ABHD2: variants seen among roughly 807,000 people sequenced by gnomAD.
The protein encoded by ABHD2 is abhydrolase domain containing 2, acylglycerol lipase.
Under a neutral mutation model 48.1 loss-of-function variants are expected in ABHD2, and 20 were observed. That is an observed-to-expected ratio of 0.42 (90% CI 0.29 to 0.60). ABHD2 has a LOEUF of 0.60. Ranked by LOEUF, ABHD2 falls within the 20% of genes least tolerant of loss-of-function variation. The pLI, the probability that ABHD2 is intolerant of heterozygous loss-of-function variation, is 0.24. For synonymous variants in ABHD2, 209 were observed against 214.2 expected (o/e 0.98, Z 0.21); for missense variants, 405 against 550.9 (o/e 0.74, Z 2.65).
At position 89,201,183 on chromosome 15, in the gene ABHD2, C is replaced by G. The variant is rs891487906; in HGVS notation, c.*5760C>G. On this transcript the variant is annotated 3_prime_UTR_variant, in exon 11 of 11. Coordinates refer to ENST00000352732, the MANE Select transcript of ABHD2 (RefSeq NM_152924.5). The stretch of plus-strand genomic sequence containing the variant: ...CTGAAGGATGCAGTTGAGGTTGATC[C>G]AGGTTTATCCGAATATGCTACCTTT... The G allele has an allele frequency of 1.4e-6, 2 of 1,475,052 alleles. No individual in the cohort carries two copies. Among genetic ancestry groups the G allele is most frequent in the Non-Finnish European group, 1.9e-6 (2 of 1,056,106 alleles). 91.4% of individuals were successfully genotyped at this position (1,475,052 alleles called of 1,614,324 possible).
intron 5 of ABHD2, among the ~76,000 whole-genome samples, chr15:89,171,155 A>G (rs1354574462): frequency 2.0e-5 from 3 of 152,152 alleles, no homozygotes; most frequent in African/African-American, 4.8e-5. Flanking sequence ...TTTTCTGTCA[A>G]CTAGGACAAT....
At position 89,192,632 on chromosome 15, in the gene ABHD2, C is replaced by T. The variant is rs148323506; in HGVS notation, c.997-603C>T. Among the ~76,000 whole-genome samples the T allele has an allele frequency of 3.1e-3, 478 of 152,234 alleles. 2 individuals carry two copies. The highest frequency in any genetic ancestry group is 0.011 in the African/African-American group (454 of 41,520). On this transcript the variant is annotated intron_variant, in intron 9 of 10. Coordinates refer to ENST00000352732, the MANE Select transcript of ABHD2 (RefSeq NM_152924.5). ...TCAAGTGATCCTCCTGCCTCAGCTT[C>T]CTGAGTAGCTAGAACTATAGGCATA... is the stretch of plus-strand genomic sequence containing the variant.
rs1241711729 is a variant in ABHD2 at position 89,179,258 on chromosome 15, C to T, written c.722+3263C>T. The stretch of plus-strand genomic sequence containing the variant: ...CCAACTGCTGTTAGGAACCAGGCCG[C>T]ACAGCAGGAGGTGAGCGGTGGGCAG... On this transcript the variant is annotated intron_variant, in intron 6 of 10. Coordinates refer to ENST00000352732, the MANE Select transcript of ABHD2 (RefSeq NM_152924.5). This position sits in a 1 kb window ranked among gnomAD's most constrained non-coding sequence, Gnocchi z 4.3. Among the ~76,000 whole-genome samples the T allele has an allele frequency of 1.3e-5, 2 of 152,134 alleles. No individual in the cohort carries two copies. Among genetic ancestry groups the T allele is most frequent in the Non-Finnish European group, 2.9e-5 (2 of 68,024 alleles).
intron 3 of ABHD2, among the ~76,000 whole-genome samples, chr15:89,119,646 T>G (rs1448760930): frequency 4.6e-5 from 7 of 152,126 alleles, no homozygotes; most frequent in Non-Finnish European, 7.4e-5. Flanking sequence ...TTCCTATCTC[T>G]GGGGAAGTGA....
intron 5 of ABHD2, among the ~76,000 whole-genome samples, chr15:89,171,789 T>C (rs910920935): frequency 8.5e-5 from 13 of 152,160 alleles, no homozygotes; most frequent in African/African-American, 3.1e-4. Context: ...GGAGAGAGCC[T>C]CGTTCCTTAG....
rs2051030781 is a variant in ABHD2, at chr15:89,177,273, C to G, written c.722+1278C>G. ...GTGAAGTGCTTAGAACAGTGCCCAG[C>G]ACGCAGAACGTAAGCCACTGTTCAT... is the stretch of plus-strand genomic sequence containing the variant. On this transcript the variant is annotated intron_variant, in intron 6 of 10. Coordinates refer to ENST00000352732, the MANE Select transcript of ABHD2 (RefSeq NM_152924.5). This position sits in a 1 kb window ranked among gnomAD's most constrained non-coding sequence, Gnocchi z 5.6. 1.3e-5 allele frequency among the ~76,000 whole-genome samples: 2 copies of G among 152,306 alleles called. No homozygotes were observed. Among genetic ancestry groups the G allele is most frequent in the South Asian group, 4.1e-4 (2 of 4,828 alleles).
chr15:89,104,626 G>A lies in ABHD2; in HGVS notation c.-106-9099G>A, dbSNP rs1053571022. The stretch of plus-strand genomic sequence containing the variant: ...ATTTTCTCATTAACTGAGAGTAGCT[G>A]TAAGTCCTTTTCTGTTGCAGGTCTG... On this transcript the variant is annotated intron_variant, in intron 1 of 10. Transcript: ENST00000352732. The surrounding 1 kb of genome is among the most constrained non-coding windows in gnomAD (Gnocchi z 4.4). Among the ~76,000 whole-genome samples the A allele has an allele frequency of 3.3e-5, 5 of 152,210 alleles. No homozygotes were observed. Among genetic ancestry groups the A allele is most frequent in the African/African-American group, 1.2e-4 (5 of 41,444 alleles).
chr15:89,075,722 G>A, the ABHD2 span, among the ~76,000 whole-genome samples: 54 of 152,282 alleles, frequency 3.5e-4, no homozygotes, highest in African/African-American at 1.2e-3. This position sits in a 1 kb window ranked among gnomAD's most constrained non-coding sequence, Gnocchi z 4.1. Flanking sequence ...CTCAAGCGCT[G>A]GGAGAGGACA....
intron 3 of ABHD2, among the ~76,000 whole-genome samples, chr15:89,142,552 G>A (rs1369776669): frequency 1.3e-5 from 2 of 152,154 alleles, no homozygotes; most frequent in African/African-American, 2.4e-5. Flanking sequence ...CTAAATTAGA[G>A]CACGGTAACT....
At chr15:89,192,885 A>G (rs1479533216) in intron 9 of ABHD2, among the ~76,000 whole-genome samples, 1 of 152,162 alleles carries the variant, frequency 6.6e-6, no homozygotes, top group Non-Finnish European at 1.5e-5. Context: ...TTTGTCTGGT[A>G]TGGAGTGCAC....
At chr15:89,130,146 A>C (rs190587763) in intron 3 of ABHD2, among the ~76,000 whole-genome samples, 10 of 152,384 alleles carry the variant, frequency 6.6e-5, no homozygotes, top group African/African-American at 9.6e-5. Flanking sequence ...AAATTATATT[A>C]AGTTGGACAT....
the ABHD2 span, among the ~76,000 whole-genome samples, chr15:89,056,908 C>T: frequency 8.8e-3 from 769 of 87,402 alleles, 26 homozygotes; most frequent in Middle Eastern, 0.023. Context: ...TAAGTGATAC[C>T]TTTTTTTTTT....
chr15:89,054,635 G>T, the ABHD2 span, among the ~76,000 whole-genome samples: 1 of 151,822 alleles, frequency 6.6e-6, no homozygotes, highest in Non-Finnish European at 1.5e-5. Flanking sequence ...AGCCGAGGTT[G>T]TGCCACTGTA....
In ABHD2 at chr15:89,191,116, T is replaced by G; in HGVS notation, c.963T>G (p.Tyr321Ter). ...GCTATAACTCCCTGAAGGAATACTA[T>G]GAGGAAGAAAGTTGCATGCGGTACC... is the stretch of plus-strand genomic sequence containing the variant. ...FHGYNSLKEY[Y>*]EEESCMRYLH... Residue 321 changes from tyrosine (Y) to a stop codon, truncating the protein, a stop_gained, in exon 9 of 11, where the codon TAT (tyrosine) becomes TAG (stop). Transcript: ENST00000352732. LOFTEE classifies it high-confidence loss of function. 1 of 1,614,090 alleles carries G rather than the reference T, an allele frequency of 6.2e-7. No individual in the cohort carries two copies. Among genetic ancestry groups the G allele is most frequent in the Non-Finnish European group, 8.5e-7 (1 of 1,180,032 alleles).
Position 89,183,384 on chromosome 15 carries a change from A to AAAAAAAAAAAT in ABHD2, c.723-2039_723-2038insAAAAAAAAATA, listed in dbSNP as rs61602174. 43 of 46,254 alleles carry AAAAAAAAAAAT rather than the reference A, an allele frequency of 9.3e-4. 1 individual carries two copies. Among genetic ancestry groups the AAAAAAAAAAAT allele is most frequent in the African/African-American group, 2.8e-3 (40 of 14,420 alleles). The allele number at this position is 46,254 out of a possible 1,614,324, so 2.9% of individuals were successfully genotyped here. On this transcript the variant is annotated intron_variant, in intron 6 of 10. Transcript: ENST00000352732. ...AGTCCTTTTCAAAAAAAAAAAAAAA[A>AAAAAAAAAAAT]ATATATATATATATATATATATATA...
chr15:89,200,775 A>G lies in ABHD2; in HGVS notation c.*5352A>G, dbSNP rs2051458624. On this transcript the variant is annotated 3_prime_UTR_variant, in exon 11 of 11. Coordinates refer to ENST00000352732, the MANE Select transcript of ABHD2 (RefSeq NM_152924.5). ...TCTGCATGCTTTGCTCTACAAGACG[A>G]ATTTCCCTAGAAAGAATCCAATGAA... 2 of 253,720 alleles carry G rather than the reference A, an allele frequency of 7.9e-6. No homozygotes were observed. The highest frequency in any genetic ancestry group is 4.6e-5 in the African/African-American group (2 of 43,888). 15.7% of individuals were successfully genotyped at this position (253,720 alleles called of 1,614,324 possible).
the ABHD2 span, among the ~76,000 whole-genome samples, chr15:89,057,686 G>T: frequency 6.6e-6 from 1 of 152,080 alleles, no homozygotes; most frequent in Non-Finnish European, 1.5e-5. Context: ...CATGGCCTCA[G>T]GGTGGCGCTG....
At chr15:89,147,574 C>T (rs887994676) in intron 3 of ABHD2, among the ~76,000 whole-genome samples, 3 of 150,738 alleles carry the variant, frequency 2.0e-5, no homozygotes, top group Admixed American at 2.0e-4. Flanking sequence ...AGGATGGTCT[C>T]GATCTCCTGA....
At chr15:89,127,704 T>TAC (rs1567079969) in intron 3 of ABHD2, among the ~76,000 whole-genome samples, 2 of 93,036 alleles carry the variant, frequency 2.1e-5, no homozygotes, top group South Asian at 4.0e-4. Context: ...TATATATATA[T>TAC]ACATATATAT....
Sources: allele counts gnomAD v4.1 joint callset (sites outside exome capture counted in the v4.1 genomes callset), GRCh38; gene constraint gnomAD v4.1.1; non-coding constraint Gnocchi (gnomAD v3.1); transcripts MANE v1.5; gene names NCBI Gene and HGNC (gene_info 2026-07-23, HGNC 2026-07-21).